Variants in SLC2A13 observed in about 807,000 individuals in gnomAD.
SLC2A13 encodes the protein solute carrier family 2 member 13.
SLC2A13 carries 32 observed loss-of-function variants against 64.4 expected under a neutral mutation model. That is an observed-to-expected ratio of 0.50 (90% confidence interval 0.37 to 0.67). The LOEUF (loss-of-function observed/expected upper bound fraction) is 0.67, where lower values mean the gene tolerates loss of function less well. Ranked by LOEUF, SLC2A13 falls within the 30% of genes least tolerant of loss-of-function variation. SLC2A13 has a pLI of 0.00. For missense variants in SLC2A13, 743 were observed against 829.2 expected, an observed-to-expected ratio of 0.90 and a Z score of 1.28; for synonymous variants, 338 against 327.1, an observed-to-expected ratio of 1.03 and a Z score of -0.36.
At chr12:39,844,536 TAGAAAAGAAAGCA>T (rs1943257261) in intron 6 of SLC2A13, among the ~76,000 whole-genome samples, 1 of 151,980 alleles carries the variant, frequency 6.6e-6, no homozygotes, top group Admixed American at 6.6e-5. Flanking sequence ...GTGTTCTTTT[TAGAAAAGAAAGCA>T]TTCATAACAT....
intron 3 of SLC2A13, among the ~76,000 whole-genome samples, chr12:39,971,997 A>AAATATATAT (rs1375405006): frequency 4.0e-4 from 31 of 77,374 alleles, no homozygotes; most frequent in Non-Finnish European, 6.0e-4. Context: ...AAAAAAAAAA[A>AAATATATAT]ATATATATAT....
At chr12:39,797,740 A>ACATACGCACACACACACATACG (rs10695272) in intron 7 of SLC2A13, among the ~76,000 whole-genome samples, 8 of 131,370 alleles carry the variant, frequency 6.1e-5, no homozygotes, top group Non-Finnish European at 1.1e-4. Context: ...ACACACACAC[A>ACATACGCACACACACACATACG]CACACACACA....
chr12:39,922,411 A>G (rs894906182), intron 4 of SLC2A13, among the ~76,000 whole-genome samples: 1 of 152,198 alleles, frequency 6.6e-6, no homozygotes, highest in Non-Finnish European at 1.5e-5. Context: ...AGAGATTAGT[A>G]TTTCATGTTG....
chr12:39,896,182 A>G (rs1326784816), intron 4 of SLC2A13, among the ~76,000 whole-genome samples: 1 of 148,842 alleles, frequency 6.7e-6, no homozygotes, highest in South Asian at 2.1e-4. Flanking sequence ...GAATATGTAT[A>G]TATGTATATA....
chr12:40,049,644 C>T (rs1035811866), intron 1 of SLC2A13, among the ~76,000 whole-genome samples: 1 of 152,038 alleles, frequency 6.6e-6, no homozygotes, highest in African/African-American at 2.4e-5. Flanking sequence ...TATTTTGTGA[C>T]CCAAACTCTC....
intron 6 of SLC2A13, among the ~76,000 whole-genome samples, chr12:39,862,263 A>T (rs1943783565): frequency 6.6e-6 from 1 of 152,234 alleles, no homozygotes; most frequent in African/African-American, 2.4e-5. Context: ...AGGGAGCTCT[A>T]ACCTACAATA....
chr12:40,053,123 T>C (rs901799832), intron 1 of SLC2A13, among the ~76,000 whole-genome samples: 5 of 151,130 alleles, frequency 3.3e-5, no homozygotes, highest in Non-Finnish European at 7.4e-5. Context: ...TCTACTAAAA[T>C]ACAAAAAAAT....
intron 6 of SLC2A13, among the ~76,000 whole-genome samples, chr12:39,834,832 CA>C (rs751656983): frequency 5.9e-5 from 9 of 151,990 alleles, no homozygotes; most frequent in Non-Finnish European, 1.0e-4. Flanking sequence ...ACAAGATTCC[CA>C]ACTTCAACTT....
intron 7 of SLC2A13, among the ~76,000 whole-genome samples, chr12:39,812,860 A>T: frequency 7.3e-6 from 1 of 136,996 alleles, no homozygotes. Context: ...TTTGAGATAG[A>T]GTCTCACTCT....
chr12:39,961,740 A>G (rs947179722), intron 3 of SLC2A13, among the ~76,000 whole-genome samples: 10 of 151,824 alleles, frequency 6.6e-5, no homozygotes, highest in Admixed American at 5.2e-4. Context: ...GGCTCAAGCA[A>G]TCCTCCTGCC....
chr12:39,781,175 CTG>C (rs1397062303), intron 7 of SLC2A13, among the ~76,000 whole-genome samples: 1 of 152,172 alleles, frequency 6.6e-6, no homozygotes, highest in Non-Finnish European at 1.5e-5. Flanking sequence ...AACTGTAAAA[CTG>C]AGAAAATCTA....
chr12:40,071,690 A>G (rs1937964135), intron 1 of SLC2A13, among the ~76,000 whole-genome samples: 3 of 152,230 alleles, frequency 2.0e-5, no homozygotes, highest in East Asian at 3.9e-4. Flanking sequence ...GAATTGGTCC[A>G]TTTCATCTAG....
chr12:39,774,993 A>C (rs1940724849), intron 7 of SLC2A13, among the ~76,000 whole-genome samples: 1 of 152,196 alleles, frequency 6.6e-6, no homozygotes, highest in Admixed American at 6.5e-5. Flanking sequence ...TTTGGAAAGA[A>C]ATTTGGCAAT....
chr12:39,764,717 A>T lies in SLC2A13; in HGVS notation c.1567+20T>A. ...GAGGCAATTCAATTAATGCAACAGT[A>T]TAACAAAGTCTTTGTTTACCAGGTG... is the stretch of plus-strand genomic sequence containing the variant. On this transcript the variant is annotated intron_variant, in intron 8 of 9. Coordinates refer to ENST00000280871, the MANE Select transcript of SLC2A13 (RefSeq NM_052885.4). 6.2e-7 allele frequency: 1 copy of T among 1,610,478 alleles called. No individual in the cohort carries two copies. The highest frequency in any genetic ancestry group is 8.5e-7 in the Non-Finnish European group (1 of 1,178,744).
intron 4 of SLC2A13, among the ~76,000 whole-genome samples, chr12:39,942,310 A>AT (rs1946045584): frequency 6.6e-6 from 1 of 152,156 alleles, no homozygotes; most frequent in Admixed American, 6.5e-5. Flanking sequence ...CAGTATGGTC[A>AT]TGTTCACAAT....
chr12:40,064,140 G>A (rs529442423), intron 1 of SLC2A13, among the ~76,000 whole-genome samples: 152 of 152,150 alleles, frequency 1.0e-3, no homozygotes, highest in Middle Eastern at 3.4e-3. Flanking sequence ...AGCTACTCAG[G>A]CAGCTGTGTC....
intron 5 of SLC2A13, among the ~76,000 whole-genome samples, chr12:39,866,561 C>T (rs1943916492): frequency 6.6e-6 from 1 of 152,030 alleles, no homozygotes; most frequent in Admixed American, 6.6e-5. Flanking sequence ...TCACTGCAGG[C>T]TCCGCCCCCC....
chr12:40,069,639 G>GA (rs35647098), intron 1 of SLC2A13, among the ~76,000 whole-genome samples: 74 of 145,792 alleles, frequency 5.1e-4, no homozygotes, highest in African/African-American at 1.2e-3. Context: ...GACCATGGTT[G>GA]AAAAAAAAAA....
chr12:39,767,398 G>T (rs916629561), intron 7 of SLC2A13, among the ~76,000 whole-genome samples: 3 of 151,274 alleles, frequency 2.0e-5, no homozygotes, highest in African/African-American at 2.4e-5. Context: ...AGGTTTTTTT[G>T]TTTCGTTTTA....
Sources: gnomAD v4.1 joint callset for allele counts (sites outside exome capture counted in the v4.1 genomes callset) on GRCh38, gnomAD v4.1.1 for gene constraint, MANE v1.5 for transcripts, NCBI Gene and HGNC (gene_info 2026-07-23, HGNC 2026-07-21) for gene names.